The following CSMD1 variants were observed in gnomAD, a reference collection of about 807,000 sequenced individuals.
CSMD1 encodes the protein CUB and Sushi multiple domains 1.
In CSMD1, 213 loss-of-function variants were observed where a neutral mutation model predicts 417.5. That is an observed-to-expected ratio of 0.51 (90% CI 0.46 to 0.57). CSMD1 has a LOEUF of 0.57. CSMD1 is among the 20% of genes least tolerant of loss of function. The pLI, the probability that CSMD1 is intolerant of heterozygous loss-of-function variation, is 0.00. For missense variants in CSMD1, 6,923 were observed against 4,529.7 expected, an observed-to-expected ratio of 1.53 and a Z score of -15.17; for synonymous variants, 2,862 against 1,736.8, an observed-to-expected ratio of 1.65 and a Z score of -16.11.
chr8:4,092,648 C>G (rs1563113417), intron 3 of CSMD1, among the ~76,000 whole-genome samples: 1 of 152,170 alleles, frequency 6.6e-6, no homozygotes, highest in Non-Finnish European at 1.5e-5. Flanking sequence ...TGTATTAAAT[C>G]ATTTCCAAAC....
At chr8:3,834,345 G>A (rs1347986682) in intron 5 of CSMD1, among the ~76,000 whole-genome samples, 1 of 152,066 alleles carries the variant, frequency 6.6e-6, no homozygotes, top group Admixed American at 6.6e-5. Flanking sequence ...TTATAGGTAA[G>A]GTGGGGACTG....
chr8:3,487,682 G>A lies in CSMD1; in HGVS notation c.1448+5941C>T, dbSNP rs529765756. 2.0e-5 allele frequency among the ~76,000 whole-genome samples: 3 copies of A among 152,266 alleles called. No homozygotes were observed. In the South Asian group the frequency reaches 6.2e-4, roughly 32 times the overall value. Reference sequence around the variant, plus strand: ...GCCAGATAGAATTTTCAAAGGAGGTGCCTACAAACACATTGTCAAGAAGGC... The same window carrying A: ...GCCAGATAGAATTTTCAAAGGAGGTACCTACAAACACATTGTCAAGAAGGC... On this transcript the variant is annotated intron_variant, in intron 11 of 69. Transcript: ENST00000635120.
chr8:3,578,139 G>T (rs191787192), intron 9 of CSMD1, among the ~76,000 whole-genome samples: 1 of 152,114 alleles, frequency 6.6e-6, no homozygotes, highest in Non-Finnish European at 1.5e-5. Flanking sequence ...TCTTCCCTCC[G>T]TCAGCTTCCA....
intron 10 of CSMD1, among the ~76,000 whole-genome samples, chr8:3,549,150 G>T (rs1190866663): frequency 6.6e-6 from 1 of 152,148 alleles, no homozygotes; most frequent in Non-Finnish European, 1.5e-5. Context: ...TCTAGATTGG[G>T]TGTCTGCAAA....
chr8:4,714,765 G>C (rs1037282029), intron 1 of CSMD1, among the ~76,000 whole-genome samples: 4 of 151,876 alleles, frequency 2.6e-5, no homozygotes, highest in African/African-American at 7.3e-5. Context: ...AAATAATAGA[G>C]GAAAAATAAT....
chr8:4,175,267 T>C (rs532811632), intron 3 of CSMD1, among the ~76,000 whole-genome samples: 2 of 152,308 alleles, frequency 1.3e-5, no homozygotes, highest in Non-Finnish European at 2.9e-5. Flanking sequence ...TTATATTTAA[T>C]TATCTCTGCT....
intron 5 of CSMD1, among the ~76,000 whole-genome samples, chr8:3,809,011 C>G (rs1357305946): frequency 6.6e-6 from 1 of 152,136 alleles, no homozygotes; most frequent in African/African-American, 2.4e-5. Flanking sequence ...ATGGATGATT[C>G]AAGGATGCTG....
chr8:4,040,911 A>G (rs10503228), intron 3 of CSMD1, among the ~76,000 whole-genome samples: 22,554 of 151,818 alleles, frequency 0.15, 2,386 homozygotes, highest in East Asian at 0.39. Flanking sequence ...AGCATCATGA[A>G]TATTTGCTAG....
At chr8:4,359,491 T>C (rs1448844404) in intron 3 of CSMD1, among the ~76,000 whole-genome samples, 1 of 152,236 alleles carries the variant, frequency 6.6e-6, no homozygotes, top group Non-Finnish European at 1.5e-5. Flanking sequence ...CCTTCCTCTT[T>C]GTCTCTTATA....
chr8:4,454,588 G>T (rs897543112), intron 2 of CSMD1, among the ~76,000 whole-genome samples: 1 of 152,182 alleles, frequency 6.6e-6, no homozygotes. Context: ...CACTGATTTA[G>T]GGCTGGCTGG....
intron 6 of CSMD1, among the ~76,000 whole-genome samples, chr8:3,720,381 T>C (rs757450960): frequency 3.0e-4 from 46 of 152,206 alleles, no homozygotes; most frequent in Admixed American, 1.1e-3. Context: ...TTTCTATCTA[T>C]GGGAATAATA....
At chr8:4,689,402 A>G (rs935337998) in intron 1 of CSMD1, among the ~76,000 whole-genome samples, 3 of 152,184 alleles carry the variant, frequency 2.0e-5, no homozygotes, top group Non-Finnish European at 2.9e-5. Flanking sequence ...AAAATTGTCT[A>G]TATGTTTCAT....
chr8:4,213,455 T>A (rs1019941668), intron 3 of CSMD1, among the ~76,000 whole-genome samples: 3 of 152,250 alleles, frequency 2.0e-5, no homozygotes, highest in African/African-American at 7.2e-5. Context: ...ACAGGAACAG[T>A]TGCCCGGATA....
At chr8:3,386,585 A>G in intron 18 of CSMD1, among the ~76,000 whole-genome samples, 1 of 152,198 alleles carries the variant, frequency 6.6e-6, no homozygotes, top group East Asian at 1.9e-4. Flanking sequence ...ATTTTAAAGA[A>G]GTCAAGGTGT....
Position 3,108,604 on chromosome 8 carries a change from G to A in CSMD1, c.6753C>T (p.His2251=), listed in dbSNP as rs34074837. 7,220 of 1,613,460 alleles carry A rather than the reference G, an allele frequency of 4.5e-3. 222 individuals carry two copies. In the African/African-American group the frequency reaches 0.075, roughly 17 times the overall value. The change falls in exon 44 of 70, where the codon CAC becomes CAT. Residue 2251 remains histidine, a splice_region_variant and synonymous_variant. Transcript: ENST00000635120. ...CTAACGGAGTGAAAATCAACTGACCGTGGAAATTGAGGACAAAGAAGCCTC... is the reference window on the plus strand; with the variant it reads ...CTAACGGAGTGAAAATCAACTGACCATGGAAATTGAGGACAAAGAAGCCTC... ...SNGGFFVLNF[H]AFQLKKCQPP...
intron 5 of CSMD1, among the ~76,000 whole-genome samples, chr8:3,850,265 G>C (rs138261994): frequency 2.0e-5 from 3 of 152,210 alleles, no homozygotes; most frequent in East Asian, 1.9e-4. Context: ...TCCAAAGATA[G>C]AATCAATATG....
chr8:4,805,869 A>C (rs541288985), intron 1 of CSMD1, among the ~76,000 whole-genome samples: 22 of 152,246 alleles, frequency 1.4e-4, no homozygotes, highest in African/African-American at 5.3e-4. Flanking sequence ...AGATATGCTA[A>C]ATTATTGTGA....
At chr8:4,526,357 C>T (rs1046296839) in intron 2 of CSMD1, among the ~76,000 whole-genome samples, 13 of 152,212 alleles carry the variant, frequency 8.5e-5, no homozygotes, top group African/African-American at 2.9e-4. Context: ...TTCACGCTGA[C>T]CATGAAGATC....
chr8:3,805,637 G>A (rs1800689022), intron 5 of CSMD1, among the ~76,000 whole-genome samples: 2 of 152,128 alleles, frequency 1.3e-5, no homozygotes, highest in African/African-American at 4.8e-5. Flanking sequence ...TTACCTTGGT[G>A]GGGAGTAAAA....
Sources: allele counts gnomAD v4.1 joint callset (sites outside exome capture counted in the v4.1 genomes callset), GRCh38; gene constraint gnomAD v4.1.1; transcripts MANE v1.5; gene names NCBI Gene and HGNC (gene_info 2026-07-23, HGNC 2026-07-21).